Variants in NTN1 observed in about 807,000 individuals in gnomAD.
NTN1 encodes netrin 1, also known as netrin-1.
A neutral mutation model predicts 54.2 loss-of-function variants in NTN1; 11 were observed. The observed-to-expected ratio is 0.20, with a 90% CI of 0.13 to 0.34. The LOEUF is 0.34. Among genes scored for constraint, NTN1 ranks in the 10% least tolerant of loss-of-function variants. The probability of loss-of-function intolerance (pLI) is 1.00; values close to 1 mark genes in which losing one functional copy is unlikely to be tolerated. For synonymous variants in NTN1, 371 were observed against 382.0 expected (o/e 0.97, Z 0.33); for missense variants, 740 against 893.1 (o/e 0.83, Z 2.18).
At chr17:9,046,584 C>T (rs1224084867) in intron 2 of NTN1, among the ~76,000 whole-genome samples, 3 of 152,086 alleles carry the variant, frequency 2.0e-5, no homozygotes, top group African/African-American at 7.2e-5. Flanking sequence ...CCCAGGAGTT[C>T]AAGACCAGCC....
chr17:9,108,422 A>AC (rs2092176415), intron 2 of NTN1, among the ~76,000 whole-genome samples: 1 of 152,178 alleles, frequency 6.6e-6, no homozygotes, highest in East Asian at 1.9e-4. Flanking sequence ...AGTCACACGC[A>AC]GAGGCTACTG....
intron 3 of NTN1, chr17:9,177,482 C>T (rs1214161820): frequency 6.6e-6 from 1 of 152,244 alleles, no homozygotes; most frequent in Non-Finnish European, 1.5e-5. Flanking sequence ...CAGCCAAATC[C>T]AAGGATCCAG....
chr17:9,234,166 C>T (rs979150430), intron 6 of NTN1, among the ~76,000 whole-genome samples: 4 of 152,198 alleles, frequency 2.6e-5, no homozygotes, highest in South Asian at 2.1e-4. Flanking sequence ...GTAGGCAGGG[C>T]GGCAGGTGTG....
intron 5 of NTN1, among the ~76,000 whole-genome samples, chr17:9,209,868 A>G (rs1905055177): frequency 6.6e-6 from 1 of 152,006 alleles, no homozygotes; most frequent in Non-Finnish European, 1.5e-5. Flanking sequence ...GCTCTTTGTA[A>G]CCATGGTACG....
chr17:9,199,121 G>A (rs1424177241), intron 5 of NTN1, among the ~76,000 whole-genome samples: 2 of 152,146 alleles, frequency 1.3e-5, no homozygotes, highest in Non-Finnish European at 2.9e-5. Context: ...GTATAGTCCA[G>A]CTATTTCTTT....
intron 5 of NTN1, among the ~76,000 whole-genome samples, chr17:9,183,989 C>G (rs902496442): frequency 7.2e-5 from 11 of 152,120 alleles, no homozygotes; most frequent in African/African-American, 2.7e-4. Context: ...AGTGGGGCAC[C>G]CCAGCATGGA....
At chr17:9,070,717 G>C (rs2092029418) in intron 2 of NTN1, among the ~76,000 whole-genome samples, 1 of 152,088 alleles carries the variant, frequency 6.6e-6, no homozygotes, top group African/African-American at 2.4e-5. Flanking sequence ...TCAGCCTCCT[G>C]AGTAGCTGGG....
In NTN1 at chr17:9,211,792, T is replaced by C. The variant is rs1179769281; in HGVS notation, c.1412-9376T>C. Among the ~76,000 whole-genome samples, 1 of 152,234 alleles carries C rather than the reference T, an allele frequency of 6.6e-6. No homozygotes were observed. The highest frequency in any genetic ancestry group is 1.5e-5 in the Non-Finnish European group (1 of 68,032). The stretch of plus-strand genomic sequence containing the variant: ...TTCTTTGATAATTTGAGATTGAACA[T>C]GGGTGCATCTCTTTGTTCCCTTTTT... On this transcript the variant is annotated intron_variant, in intron 5 of 6. Coordinates refer to ENST00000173229, the MANE Select transcript of NTN1 (RefSeq NM_004822.3). The surrounding 1 kb of genome is among the most constrained non-coding windows in gnomAD (Gnocchi z 4.4).
In NTN1 at chr17:9,222,226, C is replaced by T. The variant is rs570323306; in HGVS notation, c.1486+984C>T. Reference sequence around the variant, plus strand: ...CCCACGAAAGTCCACATCTGCCCACCTCCCTCCGTCCTCCTCCTCACTCCA... The same window carrying T: ...CCCACGAAAGTCCACATCTGCCCACTTCCCTCCGTCCTCCTCCTCACTCCA... On this transcript the variant is annotated intron_variant, in intron 6 of 6. Coordinates refer to ENST00000173229, the MANE Select transcript of NTN1 (RefSeq NM_004822.3). Among the ~76,000 whole-genome samples, 70 of 152,362 alleles carry T rather than the reference C, an allele frequency of 4.6e-4. 1 individual carries two copies. The South Asian group carries it at 6.4e-3, about 14-fold the overall frequency.
chr17:9,093,038 G>A (rs1209896252), intron 2 of NTN1, among the ~76,000 whole-genome samples: 2 of 152,176 alleles, frequency 1.3e-5, no homozygotes, highest in East Asian at 1.9e-4. Flanking sequence ...GATTACAGGC[G>A]TGAGCCACTG....
At chr17:9,058,749 A>G (rs540072937) in intron 2 of NTN1, among the ~76,000 whole-genome samples, 1 of 152,110 alleles carries the variant, frequency 6.6e-6, no homozygotes, top group Admixed American at 6.5e-5. Flanking sequence ...TCCATCATGA[A>G]TTCTTTTCCT....
At chr17:9,193,935 A>AAAAAACAAC (rs1597530863) in intron 5 of NTN1, among the ~76,000 whole-genome samples, 1 of 123,530 alleles carries the variant, frequency 8.1e-6, no homozygotes, top group Non-Finnish European at 1.7e-5. Context: ...AAAAAAAAAA[A>AAAAAACAAC]AAAAAAAAAC....
At chr17:9,126,359 A>C (rs534760846) in intron 2 of NTN1, among the ~76,000 whole-genome samples, 76 of 152,298 alleles carry the variant, frequency 5.0e-4, no homozygotes, top group African/African-American at 1.8e-3. Flanking sequence ...AAATACAAAA[A>C]ATTAGCCGGG....
At chr17:9,175,438 C>T (rs2092397538) in intron 3 of NTN1, 1 of 152,464 alleles carries the variant, frequency 6.6e-6, no homozygotes, top group Non-Finnish European at 1.5e-5. Flanking sequence ...CCCCTGCCCT[C>T]TTGCCAAGAC....
chr17:9,163,042 G>T, intron 3 of NTN1, 41 bp downstream of exon 3: 1 of 1,541,236 alleles, frequency 6.5e-7, no homozygotes, highest in Non-Finnish European at 8.8e-7. Context: ...GGGAGACCCG[G>T]GGAACATCAG....
chr17:9,177,208 G>A (rs2092402389), intron 3 of NTN1: 2 of 152,202 alleles, frequency 1.3e-5, no homozygotes, highest in African/African-American at 4.8e-5. Flanking sequence ...GGGCCCTTAG[G>A]AAGCGTCTGC....
chr17:9,229,180 C>CTG (rs36153845), intron 6 of NTN1, among the ~76,000 whole-genome samples: 123,382 of 150,866 alleles, frequency 0.82, 50,554 homozygotes, highest in African/African-American at 0.87. Flanking sequence ...GTGTGTGTGA[C>CTG]TGTGCTCTCT....
At chr17:9,048,097 G>C (rs577305259) in intron 2 of NTN1, among the ~76,000 whole-genome samples, 1 of 152,194 alleles carries the variant, frequency 6.6e-6, no homozygotes, top group Non-Finnish European at 1.5e-5. Context: ...CATCTGTGCA[G>C]CTATAGCCTT....
At chr17:9,048,950 C>T (rs566114394) in intron 2 of NTN1, among the ~76,000 whole-genome samples, 5 of 152,334 alleles carry the variant, frequency 3.3e-5, no homozygotes, top group African/African-American at 1.2e-4. Context: ...GCCACCGCGC[C>T]CGGCGGAAAA....
Sources: gnomAD v4.1 joint callset for allele counts (sites outside exome capture counted in the v4.1 genomes callset) on GRCh38, gnomAD v4.1.1 for gene constraint, Gnocchi (gnomAD v3.1) non-coding constraint, MANE v1.5 for transcripts, NCBI Gene and HGNC (gene_info 2026-07-23, HGNC 2026-07-21) for gene names.